Variants in ZNRF3 observed in about 807,000 individuals in gnomAD.
The protein encoded by ZNRF3 is E3 ubiquitin-protein ligase ZNRF3.
Under a neutral mutation model 72.5 loss-of-function variants are expected in ZNRF3, and 23 were observed. The ratio of observed to expected loss-of-function variants is 0.32; its 90% CI spans 0.23 to 0.45. The LOEUF (loss-of-function observed/expected upper bound fraction) is 0.45, where lower values mean the gene tolerates loss of function less well. Among genes scored for constraint, ZNRF3 ranks in the 20% least tolerant of loss-of-function variants. The pLI is 1.00. For synonymous variants in ZNRF3, 610 were observed against 545.3 expected (o/e 1.12, Z -1.65); for missense variants, 1,169 against 1,272.1 (o/e 0.92, Z 1.23).
chr22:28,991,279 CAAAAAAAAAA>C (rs59317059), intron 2 of ZNRF3, among the ~76,000 whole-genome samples: 15 of 51,656 alleles, frequency 2.9e-4, no homozygotes, highest in African/African-American at 1.1e-3. Context: ...GACCCTCTCT[CAAAAAAAAAA>C]AAAAAAAAAA....
At chr22:29,045,491 A>AT (rs1386431079) in intron 5 of ZNRF3, among the ~76,000 whole-genome samples, 1 of 151,660 alleles carries the variant, frequency 6.6e-6, no homozygotes, top group Non-Finnish European at 1.5e-5. Context: ...TGTTTATTTT[A>AT]TTTTTTTATT....
At chr22:28,911,882 T>C (rs1307638369) in intron 1 of ZNRF3, among the ~76,000 whole-genome samples, 1 of 152,158 alleles carries the variant, frequency 6.6e-6, no homozygotes, top group Non-Finnish European at 1.5e-5. Flanking sequence ...TAGGCTGGTT[T>C]AGACATTTCT....
chr22:28,965,541 C>T (rs964410232), intron 1 of ZNRF3, among the ~76,000 whole-genome samples: 3 of 152,202 alleles, frequency 2.0e-5, no homozygotes, highest in South Asian at 2.1e-4. Flanking sequence ...ACATCAGCCA[C>T]GTTCCCACAC....
At chr22:28,970,565 G>A (rs560808678) in intron 1 of ZNRF3, among the ~76,000 whole-genome samples, 11 of 152,276 alleles carry the variant, frequency 7.2e-5, no homozygotes, top group African/African-American at 2.4e-4. Context: ...TCAAATATCC[G>A]TGGCAGCTTT....
At chr22:28,908,107 A>G (rs1174882982) in intron 1 of ZNRF3, among the ~76,000 whole-genome samples, 2 of 152,250 alleles carry the variant, frequency 1.3e-5, no homozygotes, top group Non-Finnish European at 2.9e-5. Flanking sequence ...CTTTCTTTAA[A>G]TAGCATGTTT....
chr22:28,919,846 A>G (rs132547), intron 1 of ZNRF3, among the ~76,000 whole-genome samples: 126,593 of 152,148 alleles, frequency 0.83, 53,859 homozygotes, highest in East Asian at 0.95. Flanking sequence ...ATAAGCGATG[A>G]GGGGGTGAAA....
At position 29,048,250 on chromosome 22, in the gene ZNRF3, A is replaced by C; in HGVS notation, c.913-139A>C. 1 of 618,192 alleles carries C rather than the reference A, an allele frequency of 1.6e-6. No individual in the cohort carries two copies. The allele number at this position is 618,192 out of a possible 1,614,324, so 38.3% of individuals were successfully genotyped here. A position where few individuals can be genotyped will look rare whatever the true frequency, so the allele number is the denominator to read the frequency against. ...GGTGGGCCCTGCTTCTAGGGAATTG[A>C]GCCCTAATTGGAGGTGGGGAGGAGA... On this transcript the variant is annotated intron_variant, in intron 6 of 8. Transcript: ENST00000544604. The surrounding 1 kb of genome is among the most constrained non-coding windows in gnomAD (Gnocchi z 4.9).
chr22:28,956,585 C>A (rs1301124721), intron 1 of ZNRF3, among the ~76,000 whole-genome samples: 1 of 152,120 alleles, frequency 6.6e-6, no homozygotes, highest in African/African-American at 2.4e-5. Context: ...TCCTTTGAAG[C>A]CACCTGGTCT....
chr22:28,966,867 C>CTTTTTTTTTTTTTTTTTTT (rs530036984), intron 1 of ZNRF3, among the ~76,000 whole-genome samples: 1 of 102,460 alleles, frequency 9.8e-6, no homozygotes, highest in African/African-American at 4.0e-5. Flanking sequence ...TTTTAAAAAT[C>CTTTTTTTTTTTTTTTTTTT]TTTTTTTTTT....
At chr22:29,031,755 A>G in intron 2 of ZNRF3, 4 of 376,164 alleles carry the variant, frequency 1.1e-5, no homozygotes, top group Non-Finnish European at 1.5e-5. Flanking sequence ...AGGCGTGGCC[A>G]GTCCCTAGGA....
intron 2 of ZNRF3, among the ~76,000 whole-genome samples, chr22:29,017,045 A>G (rs2036449562): frequency 6.6e-6 from 1 of 152,244 alleles, no homozygotes; most frequent in African/African-American, 2.4e-5. Context: ...CCTCTGGAGT[A>G]TACTTGTCTA....
Position 29,056,547 on chromosome 22 carries a change from C to T in ZNRF3, c.*2925C>T, listed in dbSNP as rs1260013080. On this transcript the variant is annotated 3_prime_UTR_variant, in exon 9 of 9. Transcript: ENST00000544604. ...GTTGTAAGACTCCACCAATGACAGA[C>T]ACCCTTTTCGGTGGACTCTGAGTGG... 1 of 152,238 alleles carries T rather than the reference C, an allele frequency of 6.6e-6. No individual in the cohort carries two copies. The highest frequency in any genetic ancestry group is 1.5e-5 in the Non-Finnish European group (1 of 68,046). 9.4% of individuals were successfully genotyped at this position (152,238 alleles called of 1,614,324 possible).
intron 1 of ZNRF3, among the ~76,000 whole-genome samples, chr22:28,985,737 T>C (rs1393979561): frequency 1.3e-5 from 2 of 152,224 alleles, no homozygotes; most frequent in Non-Finnish European, 2.9e-5. Context: ...TGTTCTCATC[T>C]GTAAAACAAG....
At chr22:29,008,789 T>A (rs983728596) in intron 2 of ZNRF3, among the ~76,000 whole-genome samples, 2 of 152,226 alleles carry the variant, frequency 1.3e-5, no homozygotes, top group African/African-American at 2.4e-5. Context: ...AAGTTGGACA[T>A]CTCGTACCAC....
At chr22:28,960,840 C>T (rs548755122) in intron 1 of ZNRF3, among the ~76,000 whole-genome samples, 26 of 152,292 alleles carry the variant, frequency 1.7e-4, no homozygotes, top group African/African-American at 6.0e-4. Context: ...TAGGGTTTCC[C>T]AGCCGATCAC....
intron 1 of ZNRF3, among the ~76,000 whole-genome samples, chr22:28,912,045 G>T (rs1232256406): frequency 1.3e-5 from 2 of 152,176 alleles, no homozygotes; most frequent in Non-Finnish European, 2.9e-5. Context: ...ATTCTTCTGA[G>T]CCAGAATTCC....
At chr22:28,933,752 ACTCTCT>A (rs372627987) in intron 1 of ZNRF3, among the ~76,000 whole-genome samples, 4 of 40,860 alleles carry the variant, frequency 9.8e-5, no homozygotes, top group East Asian at 1.0e-3. Context: ...ACACACACTC[ACTCTCT>A]CTCTCTCTCT....
chr22:28,899,917 T>C (rs2034072844), intron 1 of ZNRF3, among the ~76,000 whole-genome samples: 1 of 152,176 alleles, frequency 6.6e-6, no homozygotes, highest in African/African-American at 2.4e-5. Context: ...TCTCGAACTC[T>C]TGGGCTCAAG....
At chr22:28,962,006 A>G (rs1165405122) in intron 1 of ZNRF3, among the ~76,000 whole-genome samples, 1 of 152,248 alleles carries the variant, frequency 6.6e-6, no homozygotes, top group Non-Finnish European at 1.5e-5. Context: ...TGAGGAGAAT[A>G]GGGTAAGAAT....
Sources: allele counts gnomAD v4.1 joint callset (sites outside exome capture counted in the v4.1 genomes callset), GRCh38; gene constraint gnomAD v4.1.1; non-coding constraint Gnocchi (gnomAD v3.1); transcripts MANE v1.5; gene names NCBI Gene and HGNC (gene_info 2026-07-23, HGNC 2026-07-21).